NOCT: variants seen among roughly 807,000 people sequenced by gnomAD.
NOCT encodes CCR4 carbon catabolite repression 4-like.
Under a neutral mutation model 35.0 loss-of-function variants are expected in NOCT, and 18 were observed. That is an observed-to-expected ratio of 0.51 (90% CI 0.36 to 0.76). NOCT has a LOEUF of 0.76. Among genes scored for constraint, NOCT ranks in the 30% least tolerant of loss-of-function variants. The pLI is 0.01. For synonymous variants in NOCT, 235 were observed against 226.3 expected, an observed-to-expected ratio of 1.04 and a Z score of -0.34; for missense variants, 479 against 541.0, an observed-to-expected ratio of 0.89 and a Z score of 1.14.
In NOCT at chr4:139,015,916, C is replaced by T. The variant is rs955548738; in HGVS notation, c.-66C>T. The T allele has an allele frequency of 1.8e-5, 22 of 1,223,978 alleles. No individual in the cohort carries two copies. Among genetic ancestry groups the T allele is most frequent in the Non-Finnish European group, 2.3e-5 (22 of 963,092 alleles). The allele number at this position is 1,223,978 out of a possible 1,614,324, so 75.8% of individuals were successfully genotyped here. The stretch of plus-strand genomic sequence containing the variant: ...CCCGGACAGTCGGCTCGACTCGGTG[C>T]CCTCGGCCCCAGCCGGGCTCCGCTC... On this transcript the variant is annotated 5_prime_UTR_variant, in exon 1 of 3. Transcript: ENST00000280614.
At chr4:139,024,591 ATTTG>A (rs1271752855) in intron 1 of NOCT, among the ~76,000 whole-genome samples, 7 of 150,828 alleles carry the variant, frequency 4.6e-5, no homozygotes, top group South Asian at 2.1e-4. Context: ...ATGTTGTTTT[ATTTG>A]TTTGTTTGTT....
intron 1 of NOCT, 152 bp downstream of exon 1, chr4:139,016,323 T>C (rs1173897901): frequency 2.4e-6 from 1 of 414,146 alleles, no homozygotes; most frequent in Non-Finnish European, 4.0e-6. Context: ...CCTTCTGCGT[T>C]CCCTTTTTCC....
At chr4:139,026,705 C>T (rs1377232640) in intron 1 of NOCT, among the ~76,000 whole-genome samples, 1 of 151,906 alleles carries the variant, frequency 6.6e-6, no homozygotes. Flanking sequence ...TGCCCACCGT[C>T]ACACCCAACT....
intron 1 of NOCT, among the ~76,000 whole-genome samples, chr4:139,038,422 G>A (rs1357930465): frequency 6.6e-6 from 1 of 152,010 alleles, no homozygotes; most frequent in Non-Finnish European, 1.5e-5. Flanking sequence ...TAGATGACCA[G>A]ATTTGATAAT....
chr4:139,042,532 A>G (rs1334309564), intron 1 of NOCT, among the ~76,000 whole-genome samples: 1 of 152,198 alleles, frequency 6.6e-6, no homozygotes, highest in Non-Finnish European at 1.5e-5. Context: ...TTTCATTGTT[A>G]ATCAGAGGCT....
intron 1 of NOCT, among the ~76,000 whole-genome samples, chr4:139,026,344 AC>A (rs1578626588): frequency 6.6e-6 from 1 of 151,896 alleles, no homozygotes; most frequent in East Asian, 1.9e-4. Context: ...CTGGTGATCC[AC>A]CCATCCCAGC....
At position 139,015,887 on chromosome 4, in the gene NOCT, A is replaced by G. The variant is rs1726282618; in HGVS notation, c.-95A>G. 6 of 1,023,792 alleles carry G rather than the reference A, an allele frequency of 5.9e-6. No homozygotes were observed. Among genetic ancestry groups the G allele is most frequent in the Non-Finnish European group, 7.5e-6 (6 of 795,764 alleles). The allele number at this position is 1,023,792 out of a possible 1,614,324, so 63.4% of individuals were successfully genotyped here. A position where few individuals can be genotyped will look rare whatever the true frequency, so the allele number is the denominator to read the frequency against. ...AAGGAGCCTGGGAGCATCCGCCCAC[A>G]CTGCCCGGACAGTCGGCTCGACTCG... On this transcript the variant is annotated 5_prime_UTR_variant, in exon 1 of 3. Transcript: ENST00000280614.
Position 139,016,105 on chromosome 4 carries a change from G to A in NOCT, c.124G>A (p.Ala42Thr). The A allele has an allele frequency of 2.3e-6, 3 of 1,327,588 alleles. No individual in the cohort carries two copies. The highest frequency in any genetic ancestry group is 4.3e-5 in the South Asian group (2 of 46,508). The allele number at this position is 1,327,588 out of a possible 1,614,324, so 82.2% of individuals were successfully genotyped here. The change falls in exon 1 of 3, where the codon GCA (alanine) becomes ACA (threonine). Residue 42 changes from alanine (A) to threonine (T), a missense_variant. By Grantham distance (58) the Ala-to-Thr change is moderately conservative. This residue lies in a region of NOCT where 265 missense variants were observed against 257.0 expected (regional missense o/e 1.03). Transcript: ENST00000280614. ...CCCGCCGGCTGCTGTTCCCAGGCCC[G>A]CATCCCCCCGGCTGCTGGCGGCGGC... is the stretch of plus-strand genomic sequence containing the variant. ...LSPPAAVPRP[A>T]SPRLLAAASA...
intron 1 of NOCT, 141 bp downstream of exon 1, chr4:139,016,312 A>G: frequency 2.3e-6 from 1 of 435,504 alleles, no homozygotes; most frequent in Non-Finnish European, 3.7e-6. Context: ...TACCGGAGCA[A>G]CCTTCTGCGT....
At chr4:139,022,435 A>G (rs1050794088) in intron 1 of NOCT, among the ~76,000 whole-genome samples, 4 of 152,096 alleles carry the variant, frequency 2.6e-5, no homozygotes, top group East Asian at 1.9e-4. Context: ...CCTTATAACA[A>G]TTTTTTTCTC....
chr4:139,043,390 G>A (rs761382627), intron 2 of NOCT, 47 bp downstream of exon 2: 3 of 1,582,030 alleles, frequency 1.9e-6, no homozygotes, highest in South Asian at 1.1e-5. Context: ...TGCTGTGACT[G>A]CCTTTCTGCT....
chr4:139,045,590 C>G lies in NOCT; in HGVS notation c.*116C>G, dbSNP rs1331257453. 4 of 592,808 alleles carry G rather than the reference C, an allele frequency of 6.7e-6. No homozygotes were observed. Among genetic ancestry groups the G allele is most frequent in the Non-Finnish European group, 5.5e-6 (2 of 362,436 alleles). The allele number at this position is 592,808 out of a possible 1,614,324, so 36.7% of individuals were successfully genotyped here. A position where few individuals can be genotyped will look rare whatever the true frequency, so the allele number is the denominator to read the frequency against. ...GGAGTACAGTGGCCTGATCTCGGCT[C>G]ACTGCAAGATCCGCCTCCCGGGTTC... is the stretch of plus-strand genomic sequence containing the variant. On this transcript the variant is annotated 3_prime_UTR_variant, in exon 3 of 3. Coordinates refer to ENST00000280614, the MANE Select transcript of NOCT (RefSeq NM_012118.4).
At chr4:139,037,338 A>T (rs1726754270) in intron 1 of NOCT, among the ~76,000 whole-genome samples, 2 of 152,254 alleles carry the variant, frequency 1.3e-5, no homozygotes, top group Admixed American at 1.3e-4. Flanking sequence ...GTATTATTCC[A>T]TACATGAGTA....
intron 1 of NOCT, among the ~76,000 whole-genome samples, chr4:139,027,720 G>C (rs537761342): frequency 6.6e-5 from 10 of 152,188 alleles, no homozygotes; most frequent in Admixed American, 3.3e-4. Context: ...GGATGATCTC[G>C]ATCTCCTGAC....
chr4:139,044,594 C>T, intron 2 of NOCT, 45 bp from the exon 3 acceptor site: 2 of 1,303,262 alleles, frequency 1.5e-6, no homozygotes, highest in Non-Finnish European at 2.2e-6. Flanking sequence ...ACTTTGAAGT[C>T]ACGGTTTTGT....
At chr4:139,038,730 C>T (rs1393540076) in intron 1 of NOCT, among the ~76,000 whole-genome samples, 3 of 152,018 alleles carry the variant, frequency 2.0e-5, no homozygotes, top group South Asian at 2.1e-4. Flanking sequence ...TCATCCTGCC[C>T]CCTCCTTTTT....
Position 139,016,113 on chromosome 4 carries a change from C to G in NOCT, c.132C>G (p.Pro44=). 1 of 1,312,406 alleles carries G rather than the reference C, an allele frequency of 7.6e-7. No individual in the cohort carries two copies. The highest frequency in any genetic ancestry group is 9.7e-7 in the Non-Finnish European group (1 of 1,030,734). The allele number at this position is 1,312,406 out of a possible 1,614,324, so 81.3% of individuals were successfully genotyped here. ...PPAAVPRPAS[P]RLLAAASAAS... ...CTGCTGTTCCCAGGCCCGCATCCCC[C>G]CGGCTGCTGGCGGCGGCCTCGGCGG... Residue 44 remains proline, a synonymous_variant, in exon 1 of 3, where the codon CCC becomes CCG. Transcript: ENST00000280614.
At chr4:139,031,154 CTTT>C (rs111694522) in intron 1 of NOCT, among the ~76,000 whole-genome samples, 2 of 143,870 alleles carry the variant, frequency 1.4e-5, no homozygotes, top group African/African-American at 5.1e-5. Flanking sequence ...TGACTGCTTT[CTTT>C]TTTTTTTTTT....
intron 1 of NOCT, among the ~76,000 whole-genome samples, chr4:139,024,951 AG>A (rs1385572368): frequency 6.6e-6 from 1 of 152,180 alleles, no homozygotes; most frequent in African/African-American, 2.4e-5. Context: ...ACGGGCAGCC[AG>A]GCTTCCTTGT....
Sources: allele counts gnomAD v4.1 joint callset (sites outside exome capture counted in the v4.1 genomes callset), GRCh38; gene constraint gnomAD v4.1.1; regional missense constraint gnomAD v4.1.1; transcripts MANE v1.5; gene names NCBI Gene and HGNC (gene_info 2026-07-23, HGNC 2026-07-21).